Variants in CDH20 observed in about 807,000 individuals in gnomAD.
CDH20 encodes the protein cadherin-20.
CDH20 carries 29 observed loss-of-function variants against 74.2 expected under a neutral mutation model. That is an observed-to-expected ratio of 0.39 (90% CI 0.29 to 0.53). The LOEUF (loss-of-function observed/expected upper bound fraction) is 0.53, where lower values mean the gene tolerates loss of function less well. Ranked by LOEUF, CDH20 falls within the 20% of genes least tolerant of loss-of-function variation. The probability of loss-of-function intolerance (pLI) is 0.69; values close to 1 mark genes in which losing one functional copy is unlikely to be tolerated. For synonymous variants in CDH20, 469 were observed against 405.4 expected, an observed-to-expected ratio of 1.16 and a Z score of -1.88; for missense variants, 988 against 1,048.3, an observed-to-expected ratio of 0.94 and a Z score of 0.79.
intron 6 of CDH20, among the ~76,000 whole-genome samples, chr18:61,527,382 G>GATAGATAGATGATAGATAGATAA (rs1555683364): frequency 6.7e-6 from 1 of 148,750 alleles, no homozygotes; most frequent in South Asian, 2.1e-4. Context: ...TAGATAGATA[G>GATAGATAGATGATAGATAGATAA]ATAGATAGAT....
intron 1 of CDH20, among the ~76,000 whole-genome samples, chr18:61,395,601 C>T (rs1911937128): frequency 6.6e-6 from 1 of 152,170 alleles, no homozygotes; most frequent in Admixed American, 6.5e-5. Context: ...ATCTGTATTA[C>T]CTCCAACTTC....
At chr18:61,428,784 T>C (rs1378579374) in intron 1 of CDH20, among the ~76,000 whole-genome samples, 1 of 152,192 alleles carries the variant, frequency 6.6e-6, no homozygotes, top group Non-Finnish European at 1.5e-5. Flanking sequence ...ATTTCACCTC[T>C]TTGTCTGAGA....
chr18:61,405,120 A>G, intron 1 of CDH20: 5 of 641,630 alleles, frequency 7.8e-6, no homozygotes, highest in South Asian at 1.4e-5. Context: ...CTTGTACCCC[A>G]GCACATGCTT....
intron 1 of CDH20, among the ~76,000 whole-genome samples, chr18:61,442,129 T>C (rs1909051394): frequency 6.6e-6 from 1 of 152,002 alleles, no homozygotes; most frequent in South Asian, 2.1e-4. Flanking sequence ...GGAGGAAGAC[T>C]GCAGGAGGCC....
intron 1 of CDH20, among the ~76,000 whole-genome samples, chr18:61,420,088 T>G (rs971666974): frequency 1.3e-5 from 2 of 152,232 alleles, no homozygotes; most frequent in African/African-American, 2.4e-5. Context: ...TGATTTGTAT[T>G]GAGTTTGCAA....
At chr18:61,354,786 T>C (rs1335949299) in intron 1 of CDH20, among the ~76,000 whole-genome samples, 2 of 152,190 alleles carry the variant, frequency 1.3e-5, no homozygotes, top group African/African-American at 4.8e-5. Flanking sequence ...CTTATCCAGA[T>C]CTTTATTTTT....
At chr18:61,464,215 CAG>C (rs1206648752) in intron 1 of CDH20, among the ~76,000 whole-genome samples, 2 of 151,692 alleles carry the variant, frequency 1.3e-5, no homozygotes, top group African/African-American at 2.4e-5. Flanking sequence ...TATGTAAGCT[CAG>C]AGTTTTTGTG....
chr18:61,442,256 C>T (rs191702020), intron 1 of CDH20, among the ~76,000 whole-genome samples: 15 of 151,372 alleles, frequency 9.9e-5, no homozygotes, highest in African/African-American at 3.6e-4. Flanking sequence ...GAGACTGAGG[C>T]AGGAGGATCT....
chr18:61,392,377 G>T (rs890075363), intron 1 of CDH20, among the ~76,000 whole-genome samples: 6 of 152,084 alleles, frequency 3.9e-5, no homozygotes, highest in African/African-American at 7.2e-5. Flanking sequence ...TATACAATCA[G>T]TATCTGCAGA....
At chr18:61,404,649 A>G (rs1402068600) in intron 1 of CDH20, among the ~76,000 whole-genome samples, 1 of 152,206 alleles carries the variant, frequency 6.6e-6, no homozygotes. Flanking sequence ...AAAGATTAAT[A>G]AAATCATATG....
chr18:61,496,766 T>G (rs1911180873), intron 2 of CDH20, among the ~76,000 whole-genome samples: 1 of 152,194 alleles, frequency 6.6e-6, no homozygotes, highest in African/African-American at 2.4e-5. Flanking sequence ...GCTTCTGTTT[T>G]TCCTTCCCTA....
chr18:61,539,695 G>A (rs1202456937), intron 9 of CDH20, among the ~76,000 whole-genome samples: 3 of 152,186 alleles, frequency 2.0e-5, no homozygotes, highest in Non-Finnish European at 4.4e-5. Context: ...TCTTGCAGTA[G>A]GACAAGTTTA....
chr18:61,504,402 C>T (rs138079345), intron 5 of CDH20, among the ~76,000 whole-genome samples: 1 of 152,114 alleles, frequency 6.6e-6, no homozygotes, highest in South Asian at 2.1e-4. Flanking sequence ...ATGACAATGA[C>T]GTTTTCACTC....
chr18:61,341,790 C>A (rs912358974), intron 1 of CDH20, among the ~76,000 whole-genome samples: 1 of 152,168 alleles, frequency 6.6e-6, no homozygotes, highest in Non-Finnish European at 1.5e-5. Flanking sequence ...TTTTGTGCTA[C>A]CATTAATATC....
chr18:61,479,425 C>T (rs1910508446), intron 1 of CDH20, among the ~76,000 whole-genome samples: 1 of 152,086 alleles, frequency 6.6e-6, no homozygotes, highest in African/African-American at 2.4e-5. Flanking sequence ...GGTAATTGAG[C>T]TCTTAGTTCT....
chr18:61,510,197 G>A (rs1349115266), intron 6 of CDH20, among the ~76,000 whole-genome samples: 1 of 151,916 alleles, frequency 6.6e-6, no homozygotes, highest in Non-Finnish European at 1.5e-5. Flanking sequence ...ACTGAGCATA[G>A]ACAGAAAAAG....
At chr18:61,347,705 T>C (rs1171871290) in intron 1 of CDH20, among the ~76,000 whole-genome samples, 1 of 152,166 alleles carries the variant, frequency 6.6e-6, no homozygotes, top group Non-Finnish European at 1.5e-5. Context: ...GTGTTGTCAA[T>C]AAATTTGAAA....
chr18:61,379,850 T>C (rs1475551837), intron 1 of CDH20, among the ~76,000 whole-genome samples: 1 of 152,088 alleles, frequency 6.6e-6, no homozygotes. Flanking sequence ...AGCAGAGAGG[T>C]AGGTCTTTGA....
chr18:61,524,428 C>A (rs935429334), intron 6 of CDH20, among the ~76,000 whole-genome samples: 1 of 152,100 alleles, frequency 6.6e-6, no homozygotes, highest in African/African-American at 2.4e-5. Context: ...ACTATACAAT[C>A]CCACAACTCC....
Sources: gnomAD v4.1 joint callset for allele counts (sites outside exome capture counted in the v4.1 genomes callset) on GRCh38, gnomAD v4.1.1 for gene constraint, MANE v1.5 for transcripts, NCBI Gene and HGNC (gene_info 2026-07-23, HGNC 2026-07-21) for gene names.